The following ARL14 variants were observed in gnomAD, a reference collection of about 807,000 sequenced individuals.
ARL14 encodes the protein ADP-ribosylation factor-like protein 14.
A neutral mutation model predicts 1.1 loss-of-function variants in ARL14; 3 were observed. The observed-to-expected ratio is 2.82, with a 90% CI of 1.28 to 7.28. The LOEUF (loss-of-function observed/expected upper bound fraction) is 7.28. Among genes scored for constraint, ARL14 ranks in the 30% most tolerant of loss-of-function variants. ARL14 has a pLI of 0.01. For synonymous variants in ARL14, 99 were observed against 84.6 expected (o/e 1.17, Z -0.93); for missense variants, 264 against 223.8 (o/e 1.18, Z -1.15).
chr3:160,677,779 CTT>C lies in ARL14; in HGVS notation c.435_436del (p.Cys146GlnfsTer2). The C allele has an allele frequency of 6.2e-7, 1 of 1,614,184 alleles. No individual in the cohort carries two copies. The highest frequency in any genetic ancestry group is 8.5e-7 in the Non-Finnish European group (1 of 1,180,032). ...CACCAGAATGTTCAAAGTGAAGAAGCTTTGCAGTGACCGGAACTGGTATGTGC... is the reference window on the plus strand; with the variant it reads ...CACCAGAATGTTCAAAGTGAAGAAGCTGCAGTGACCGGAACTGGTATGTGC... ...DITRMFKVKK[L>X]CSDRNWYVQP... On this transcript the variant is annotated frameshift_variant, in exon 1 of 1. Coordinates refer to ENST00000320767, the MANE Select transcript of ARL14 (RefSeq NM_025047.3). LOFTEE classifies it high-confidence loss of function.
Position 160,677,647 on chromosome 3 carries a change from C to T in ARL14, c.301C>T (p.Gln101Ter), listed in dbSNP as rs751214251. ...STDKQRLEESQRQFEHILKNE... is the reference protein window; with the variant it reads ...STDKQRLEES ...AGACAAACAGCGACTGGAAGAGTCT[C>T]AGAGACAGTTTGAGCACATTTTGAA... The change falls in exon 1 of 1, where the codon CAG becomes TAG. Residue 101 changes from glutamine to a stop codon, truncating the protein, a stop_gained. Transcript: ENST00000320767. LOFTEE classifies it high-confidence loss of function. 1.2e-6 allele frequency: 2 copies of T among 1,614,108 alleles called. No individual in the cohort carries two copies. The highest frequency in any genetic ancestry group is 1.7e-5 in the Admixed American group (1 of 60,008).
At position 160,677,549 on chromosome 3, in the gene ARL14, A is replaced by T; in HGVS notation, c.203A>T (p.Gln68Leu). 1 of 1,614,104 alleles carries T rather than the reference A, an allele frequency of 6.2e-7. No homozygotes were observed. Among genetic ancestry groups the T allele is most frequent in the Non-Finnish European group, 8.5e-7 (1 of 1,179,972 alleles). Residue 68 changes from glutamine (Q) to leucine (L), a missense_variant, in exon 1 of 1, where the codon CAG becomes CTG. Coordinates refer to ENST00000320767, the MANE Select transcript of ARL14 (RefSeq NM_025047.3). Reference sequence around the variant, plus strand: ...CTCACAGTCTGGGATGTTGGAGGACAGGAAAAAATGAGAACTGTTTGGGGC... The same window carrying T: ...CTCACAGTCTGGGATGTTGGAGGACTGGAAAAAATGAGAACTGTTTGGGGC... Reference protein sequence around the residue: ...LSLTVWDVGGQEKMRTVWGCY... With the variant: ...LSLTVWDVGGLEKMRTVWGCY...
In ARL14 at chr3:160,678,100, G is replaced by A; in HGVS notation, c.*175G>A. 1.6e-6 allele frequency: 1 copy of A among 633,370 alleles called. No homozygotes were observed. Among genetic ancestry groups the A allele is most frequent in the Non-Finnish European group, 2.7e-6 (1 of 370,376 alleles). 39.2% of individuals were successfully genotyped at this position (633,370 alleles called of 1,614,324 possible). On this transcript the variant is annotated 3_prime_UTR_variant, in exon 1 of 1. Coordinates refer to ENST00000320767, the MANE Select transcript of ARL14 (RefSeq NM_025047.3). ...GATATCTAGAAAATATTTATTTTCA[G>A]CCAGGAACTTTAGCAAACTGTGGCA... is the stretch of plus-strand genomic sequence containing the variant.
Position 160,677,258 on chromosome 3 carries a change from A to C in ARL14, c.-89A>C. ...TTCCTAACATTTTCATGTGAGATCCAGAAAGGACACATTGTCTCTGGCCAT... is the reference window on the plus strand; with the variant it reads ...TTCCTAACATTTTCATGTGAGATCCCGAAAGGACACATTGTCTCTGGCCAT... On this transcript the variant is annotated 5_prime_UTR_variant, in exon 1 of 1. Transcript: ENST00000320767. The C allele has an allele frequency of 8.0e-7, 1 of 1,254,084 alleles. No individual in the cohort carries two copies. The highest frequency in any genetic ancestry group is 1.1e-6 in the Non-Finnish European group (1 of 915,818). The allele number at this position is 1,254,084 out of a possible 1,614,324, so 77.7% of individuals were successfully genotyped here. A position where few individuals can be genotyped will look rare whatever the true frequency, so the allele number is the denominator to read the frequency against.
rs773491530 is a variant in ARL14 at position 160,677,517 on chromosome 3, T to C, written c.171T>C (p.Asn57=). 2 of 1,614,158 alleles carry C rather than the reference T, an allele frequency of 1.2e-6. No homozygotes were observed. The highest frequency in any genetic ancestry group is 1.7e-6 in the Non-Finnish European group (2 of 1,180,016). ...FNVEMIELER[N]LSLTVWDVGG... ...TGGAAATGATCGAGTTGGAAAGGAA[T>C]CTTTCACTCACAGTCTGGGATGTTG... Residue 57 remains asparagine (N), a synonymous_variant, in exon 1 of 1, where the codon AAT becomes AAC. Coordinates refer to ENST00000320767, the MANE Select transcript of ARL14 (RefSeq NM_025047.3).
In ARL14 at chr3:160,677,758, A is replaced by G. The variant is rs765276860; in HGVS notation, c.412A>G (p.Arg138Gly). Reference protein sequence around the residue: ...PGALTAEDITRMFKVKKLCSD... With the variant: ...PGALTAEDITGMFKVKKLCSD... ...AGCTCTGACTGCTGAGGACATCACCAGAATGTTCAAAGTGAAGAAGCTTTG... is the reference window on the plus strand; with the variant it reads ...AGCTCTGACTGCTGAGGACATCACCGGAATGTTCAAAGTGAAGAAGCTTTG... Residue 138 changes from arginine to glycine, a missense_variant, in exon 1 of 1, where the codon AGA becomes GGA. Arg to Gly is a moderately radical substitution (Grantham distance 125). Transcript: ENST00000320767. 1.9e-6 allele frequency: 3 copies of G among 1,614,172 alleles called. No homozygotes were observed. The highest frequency in any genetic ancestry group is 1.7e-6 in the Non-Finnish European group (2 of 1,180,026).
At position 160,677,957 on chromosome 3, in the gene ARL14, A is replaced by C. The variant is rs1429348235; in HGVS notation, c.*32A>C. The C allele has an allele frequency of 1.3e-6, 2 of 1,538,506 alleles. No individual in the cohort carries two copies. The highest frequency in any genetic ancestry group is 2.4e-5 in the South Asian group (2 of 81,814). ...GAAAAATCCAAGTCTCTACAGAGAC[A>C]CTGATGAAGTTGAAAGGGTAATTGT... is the stretch of plus-strand genomic sequence containing the variant. On this transcript the variant is annotated 3_prime_UTR_variant, in exon 1 of 1. Coordinates refer to ENST00000320767, the MANE Select transcript of ARL14 (RefSeq NM_025047.3).
At position 160,677,839 on chromosome 3, in the gene ARL14, G is replaced by A. The variant is rs754350494; in HGVS notation, c.493G>A (p.Ala165Thr). 4.1e-5 allele frequency: 66 copies of A among 1,613,916 alleles called. 2 individuals are homozygous for A. The South Asian group carries it at 6.8e-4, about 17-fold the overall frequency. ...PCCALTGEGL[A>T]QGFRKLTGFV... is the part of the protein sequence containing the mutation. ...CTGTGCCCTCACAGGGGAGGGGCTG[G>A]CCCAGGGGTTCAGGAAATTAACTGG... The change falls in exon 1 of 1, where the codon GCC (alanine) becomes ACC (threonine). Residue 165 changes from alanine to threonine, a missense_variant. Coordinates refer to ENST00000320767, the MANE Select transcript of ARL14 (RefSeq NM_025047.3).
rs1327378744 is a variant in ARL14 at position 160,678,326 on chromosome 3, T to A, written c.*401T>A. 5.5e-6 allele frequency: 1 copy of A among 181,952 alleles called. No homozygotes were observed. The allele number at this position is 181,952 out of a possible 1,614,324, so 11.3% of individuals were successfully genotyped here. On this transcript the variant is annotated 3_prime_UTR_variant, in exon 1 of 1. Coordinates refer to ENST00000320767, the MANE Select transcript of ARL14 (RefSeq NM_025047.3). ...TGTAACAGGTATTGAATTTCCACCG[T>A]GCTCCTATGTAACAGCTGGGTGGTG...
Position 160,678,090 on chromosome 3 carries a change from T to C in ARL14, c.*165T>C, listed in dbSNP as rs1474831003. The C allele has an allele frequency of 6.1e-6, 4 of 652,132 alleles. No individual in the cohort carries two copies. Among genetic ancestry groups the C allele is most frequent in the South Asian group, 2.4e-5 (1 of 41,270 alleles). The allele number at this position is 652,132 out of a possible 1,614,324, so 40.4% of individuals were successfully genotyped here. On this transcript the variant is annotated 3_prime_UTR_variant, in exon 1 of 1. Transcript: ENST00000320767. Reference sequence around the variant, plus strand: ...AACTTAGAATGATATCTAGAAAATATTTATTTTCAGCCAGGAACTTTAGCA... The same window carrying C: ...AACTTAGAATGATATCTAGAAAATACTTATTTTCAGCCAGGAACTTTAGCA...
rs141341924 is a variant in ARL14, at chr3:160,678,000, G to A, written c.*75G>A. The A allele has an allele frequency of 1.0e-3, 1,346 of 1,348,568 alleles. 15 individuals are homozygous for A. The African/African-American group carries it at 0.017, about 17-fold the overall frequency. The allele number at this position is 1,348,568 out of a possible 1,614,324, so 83.5% of individuals were successfully genotyped here. A position where few individuals can be genotyped will look rare whatever the true frequency, so the allele number is the denominator to read the frequency against. ...GTAATTGTTTTTCCATGCCAAATGA[G>A]GAAATCAAATTAATGAGTTGACAAA... On this transcript the variant is annotated 3_prime_UTR_variant, in exon 1 of 1. Transcript: ENST00000320767.
At position 160,677,615 on chromosome 3, in the gene ARL14, A is replaced by T. The variant is rs1486950377; in HGVS notation, c.269A>T (p.Asp90Val). 1 of 1,614,030 alleles carries T rather than the reference A, an allele frequency of 6.2e-7. No homozygotes were observed. The highest frequency in any genetic ancestry group is 1.3e-5 in the African/African-American group (1 of 74,898). The change falls in exon 1 of 1, where the codon GAC becomes GTC. Residue 90 changes from aspartate to valine, a missense_variant. Coordinates refer to ENST00000320767, the MANE Select transcript of ARL14 (RefSeq NM_025047.3). ...ENTDGLVYVV[D>V]STDKQRLEES... is the part of the protein sequence containing the mutation. ...ACCGATGGGCTGGTGTATGTTGTGG[A>T]CAGTACAGACAAACAGCGACTGGAA... is the stretch of plus-strand genomic sequence containing the variant.
Position 160,677,461 on chromosome 3 carries a change from A to G in ARL14, c.115A>G (p.Ile39Val). The change falls in exon 1 of 1, where the codon ATT (isoleucine) becomes GTT (valine). Residue 39 changes from isoleucine (I) to valine (V), a missense_variant. Ile to Val is a conservative substitution (Grantham distance 29). Transcript: ENST00000320767. ...TTATAAATTAAAGCTTGCTAAGGAT[A>G]TTACCACCATCCCTACAATAGGTTT... ...LLYKLKLAKD[I>V]TTIPTIGFNV... 6.2e-7 allele frequency: 1 copy of G among 1,614,170 alleles called. No homozygotes were observed. The highest frequency in any genetic ancestry group is 8.5e-7 in the Non-Finnish European group (1 of 1,180,038).
Position 160,677,685 on chromosome 3 carries a change from T to A in ARL14, c.339T>A (p.Ile113=). 6.2e-7 allele frequency: 1 copy of A among 1,614,008 alleles called. No homozygotes were observed. The highest frequency in any genetic ancestry group is 8.5e-7 in the Non-Finnish European group (1 of 1,180,008). ...QFEHILKNEH[I]KNVPVVLLAN... ...AGCACATTTTGAAGAATGAACACATTAAAAATGTGCCTGTTGTTCTATTAG... is the reference window on the plus strand; with the variant it reads ...AGCACATTTTGAAGAATGAACACATAAAAAATGTGCCTGTTGTTCTATTAG... Residue 113 remains isoleucine (I), a synonymous_variant, in exon 1 of 1, where the codon ATT becomes ATA. Transcript: ENST00000320767.
rs990240252 is a variant in ARL14, at chr3:160,677,332, G to A, written c.-15G>A. 4 of 1,539,088 alleles carry A rather than the reference G, an allele frequency of 2.6e-6. No individual in the cohort carries two copies. The highest frequency in any genetic ancestry group is 2.3e-5 in the East Asian group (1 of 44,202). ...AAAAAAAGGTATTTAGAGACAGAGA[G>A]AGAAAAAGGCTGAAATGGGTTCGCT... On this transcript the variant is annotated 5_prime_UTR_variant, in exon 1 of 1. Transcript: ENST00000320767.
chr3:160,677,358 G>A lies in ARL14; in HGVS notation c.12G>A (p.Leu4=). 1 of 1,581,046 alleles carries A rather than the reference G, an allele frequency of 6.3e-7. No individual in the cohort carries two copies. Among genetic ancestry groups the A allele is most frequent in the Non-Finnish European group, 8.6e-7 (1 of 1,164,746 alleles). MGS[L]GSKNPQTKQA... is the part of the protein sequence containing the mutation. ...AGAAAAAGGCTGAAATGGGTTCGCT[G>A]GGTTCTAAAAATCCGCAAACCAAAC... Residue 4 remains leucine, a synonymous_variant, in exon 1 of 1, where the codon CTG becomes CTA. Coordinates refer to ENST00000320767, the MANE Select transcript of ARL14 (RefSeq NM_025047.3).
chr3:160,677,851 A>G lies in ARL14; in HGVS notation c.505A>G (p.Arg169Gly), dbSNP rs1713288395. The change falls in exon 1 of 1, where the codon AGG (arginine) becomes GGG (glycine). Residue 169 changes from arginine to glycine, a missense_variant. Arg to Gly is a moderately radical substitution (Grantham distance 125). Coordinates refer to ENST00000320767, the MANE Select transcript of ARL14 (RefSeq NM_025047.3). ...LTGEGLAQGF[R>G]KLTGFVKSHM... ...AGGGGAGGGGCTGGCCCAGGGGTTC[A>G]GGAAATTAACTGGATTTGTGAAGAG... 4 of 1,614,020 alleles carry G rather than the reference A, an allele frequency of 2.5e-6. No homozygotes were observed. Among genetic ancestry groups the G allele is most frequent in the East Asian group, 2.2e-5 (1 of 44,848 alleles).
chr3:160,677,635 C>A lies in ARL14; in HGVS notation c.289C>A (p.Leu97Met). Reference protein sequence around the residue: ...YVVDSTDKQRLEESQRQFEHI... With the variant: ...YVVDSTDKQRMEESQRQFEHI... ...TGTGGACAGTACAGACAAACAGCGACTGGAAGAGTCTCAGAGACAGTTTGA... is the reference window on the plus strand; with the variant it reads ...TGTGGACAGTACAGACAAACAGCGAATGGAAGAGTCTCAGAGACAGTTTGA... Residue 97 changes from leucine to methionine, a missense_variant, in exon 1 of 1, where the codon CTG becomes ATG. Physicochemically the swap from Leu to Met is conservative, Grantham distance 15 (BLOSUM62 2). Transcript: ENST00000320767. 1 of 1,614,154 alleles carries A rather than the reference C, an allele frequency of 6.2e-7. No homozygotes were observed. The highest frequency in any genetic ancestry group is 1.7e-5 in the Admixed American group (1 of 60,010).
chr3:160,677,490 T>A lies in ARL14; in HGVS notation c.144T>A (p.Asn48Lys). The A allele has an allele frequency of 6.2e-7, 1 of 1,614,106 alleles. No individual in the cohort carries two copies. The highest frequency in any genetic ancestry group is 8.5e-7 in the Non-Finnish European group (1 of 1,180,036). ...CCACCATCCCTACAATAGGTTTCAATGTGGAAATGATCGAGTTGGAAAGGA... is the reference window on the plus strand; with the variant it reads ...CCACCATCCCTACAATAGGTTTCAAAGTGGAAATGATCGAGTTGGAAAGGA... ...DITTIPTIGFNVEMIELERNL... is the reference protein window; with the variant it reads ...DITTIPTIGFKVEMIELERNL... The change falls in exon 1 of 1, where the codon AAT (asparagine) becomes AAA (lysine). Residue 48 changes from asparagine (N) to lysine (K), a missense_variant. Asn to Lys is a moderately conservative substitution (Grantham distance 94, BLOSUM62 0). Coordinates refer to ENST00000320767, the MANE Select transcript of ARL14 (RefSeq NM_025047.3).
Sources: allele counts gnomAD v4.1 joint callset, GRCh38; gene constraint gnomAD v4.1.1; transcripts MANE v1.5; gene names NCBI Gene and HGNC (gene_info 2026-07-23, HGNC 2026-07-21).